RIN2: variants seen among roughly 807,000 people sequenced by gnomAD.
The protein encoded by RIN2 is Ras and Rab interactor 2, also known as RAB5 interacting protein 2.
A neutral mutation model predicts 78.0 loss-of-function variants in RIN2; 36 were observed. The ratio of observed to expected loss-of-function variants is 0.46; its 90% CI spans 0.35 to 0.61. The LOEUF (loss-of-function observed/expected upper bound fraction) is 0.61, where lower values mean the gene tolerates loss of function less well. Among genes scored for constraint, RIN2 ranks in the 20% least tolerant of loss-of-function variants. The pLI is 0.00. For synonymous variants in RIN2, 466 were observed against 466.8 expected, an observed-to-expected ratio of 1.00 and a Z score of 0.02; for missense variants, 1,087 against 1,159.7, an observed-to-expected ratio of 0.94 and a Z score of 0.91.
intron 2 of RIN2, among the ~76,000 whole-genome samples, chr20:19,870,507 C>T (rs949500080): frequency 2.0e-5 from 3 of 152,034 alleles, no homozygotes; most frequent in African/African-American, 7.2e-5. Context: ...ATTAGCCAGG[C>T]ACGATGGTGC....
intron 3 of RIN2, among the ~76,000 whole-genome samples, chr20:19,895,567 G>A (rs1164671107): frequency 2.0e-5 from 3 of 152,020 alleles, no homozygotes; most frequent in Non-Finnish European, 2.9e-5. Flanking sequence ...CTACCCTCCC[G>A]GGCCTCAAAA....
chr20:19,957,495 A>G (rs2041590533), intron 5 of RIN2, among the ~76,000 whole-genome samples: 2 of 152,124 alleles, frequency 1.3e-5, no homozygotes, highest in South Asian at 4.1e-4. Flanking sequence ...TGGGCAACAC[A>G]GTGGCACCCT....
At chr20:19,904,983 T>C (rs1003803125) in intron 3 of RIN2, among the ~76,000 whole-genome samples, 1 of 152,176 alleles carries the variant, frequency 6.6e-6, no homozygotes, top group East Asian at 1.9e-4. Flanking sequence ...AGCCCTGCCC[T>C]TCCTCCCCAT....
At chr20:19,854,737 T>C (rs903044984) in intron 2 of RIN2, among the ~76,000 whole-genome samples, 11 of 152,242 alleles carry the variant, frequency 7.2e-5, no homozygotes. Flanking sequence ...TTTTGTATCC[T>C]GAGACTTTGC....
At chr20:19,788,351 T>C (rs1040835958) in intron 1 of RIN2, among the ~76,000 whole-genome samples, 1 of 150,192 alleles carries the variant, frequency 6.7e-6, no homozygotes, top group Non-Finnish European at 1.5e-5. Context: ...TCCCAGCACT[T>C]TGGGGGGCTG....
chr20:19,801,524 T>C (rs1039530201), intron 2 of RIN2, among the ~76,000 whole-genome samples: 4 of 152,114 alleles, frequency 2.6e-5, no homozygotes, highest in Admixed American at 1.3e-4. Context: ...GGTTTCACTA[T>C]GTTAGCCAGC....
In RIN2 at chr20:20,001,643, A is replaced by G. The variant is rs1159879806; in HGVS notation, c.*707A>G. 1 of 152,580 alleles carries G rather than the reference A, an allele frequency of 6.6e-6. No individual in the cohort carries two copies. Among genetic ancestry groups the G allele is most frequent in the African/African-American group, 2.4e-5 (1 of 41,428 alleles). The allele number at this position is 152,580 out of a possible 1,614,324, so 9.5% of individuals were successfully genotyped here. A position where few individuals can be genotyped will look rare whatever the true frequency, so the allele number is the denominator to read the frequency against. The stretch of plus-strand genomic sequence containing the variant: ...ACTGCTGGATTTCTTAAAGCAACGT[A>G]TTCCTGACACTGGCCACAGAATGCC... On this transcript the variant is annotated 3_prime_UTR_variant, in exon 13 of 13. Transcript: ENST00000255006.
intron 2 of RIN2, among the ~76,000 whole-genome samples, chr20:19,839,546 A>G (rs142527984): frequency 1.3e-5 from 2 of 152,284 alleles, no homozygotes; most frequent in African/African-American, 2.4e-5. Flanking sequence ...ACCAGGGGCT[A>G]TTTACCCACT....
intron 2 of RIN2, among the ~76,000 whole-genome samples, chr20:19,888,716 G>A (rs1042460158): frequency 6.6e-6 from 1 of 152,244 alleles, no homozygotes; most frequent in African/African-American, 2.4e-5. Flanking sequence ...ACTGGGTAAG[G>A]AAGGGTTTGG....
rs373331325 is a variant in RIN2, at chr20:19,974,816, A to T, written c.791A>T (p.Gln264Leu). The T allele has an allele frequency of 1.4e-5, 23 of 1,613,900 alleles. No homozygotes were observed. The African/African-American group carries it at 2.9e-4, about 21-fold the overall frequency. The change falls in exon 9 of 13, where the codon CAG becomes CTG. Residue 264 changes from glutamine (Q) to leucine (L), a missense_variant. Physicochemically the swap from Gln to Leu is moderately radical, Grantham distance 113. Coordinates refer to ENST00000255006, the MANE Select transcript of RIN2 (RefSeq NM_018993.4). ...ACGCCTTCAGAGCTGGAGTGCAGCC[A>T]GACCAACGGGGCCCTGTGCTTTATT... ...TRTPSELECS[Q>L]TNGALCFINP...
At chr20:19,957,679 C>T (rs417965) in intron 5 of RIN2, among the ~76,000 whole-genome samples, 2 of 142,314 alleles carry the variant, frequency 1.4e-5, no homozygotes, top group Non-Finnish European at 3.1e-5. Flanking sequence ...TCTGTCCCCC[C>T]CAAAAAAAAA....
rs184553773 is a variant in RIN2, at chr20:19,975,426, A to G, written c.1401A>G (p.Glu467=). The change falls in exon 9 of 13, where the codon GAA becomes GAG. Residue 467 remains glutamate, a synonymous_variant. Coordinates refer to ENST00000255006, the MANE Select transcript of RIN2 (RefSeq NM_018993.4). The surrounding 1 kb of genome is among the most constrained non-coding windows in gnomAD (Gnocchi z 4.9). ...GCAGCCTGGAGGACTACGAGGGGGA[A>G]AGTGACCAAGAGACCATGGCGCCCC... ...TNSSLEDYEG[E]SDQETMAPPI... 6.2e-7 allele frequency: 1 copy of G among 1,614,074 alleles called. No homozygotes were observed. Among genetic ancestry groups the G allele is most frequent in the Admixed American group, 1.7e-5 (1 of 60,032 alleles).
At chr20:19,918,758 G>A (rs1251229820) in intron 3 of RIN2, among the ~76,000 whole-genome samples, 1 of 150,598 alleles carries the variant, frequency 6.6e-6, no homozygotes, top group African/African-American at 2.5e-5. Flanking sequence ...CGGAGTCTGG[G>A]CCTTAATTAA....
chr20:19,815,222 G>C (rs566912159), intron 2 of RIN2, among the ~76,000 whole-genome samples: 1 of 152,220 alleles, frequency 6.6e-6, no homozygotes, highest in East Asian at 1.9e-4. Flanking sequence ...TGTGTTCCTA[G>C]GTAATTCATT....
At chr20:19,778,175 C>T (rs933207142) in intron 1 of RIN2, among the ~76,000 whole-genome samples, 1 of 152,218 alleles carries the variant, frequency 6.6e-6, no homozygotes, top group African/African-American at 2.4e-5. Flanking sequence ...GGCTCCCTGC[C>T]AGGTGCCACA....
intron 2 of RIN2, among the ~76,000 whole-genome samples, chr20:19,861,620 A>T (rs745700589): frequency 6.7e-6 from 1 of 149,212 alleles, no homozygotes; most frequent in Non-Finnish European, 1.5e-5. Flanking sequence ...TCTGATGATC[A>T]CCCTCCATAT....
Position 19,878,779 on chromosome 20 carries a change from C to T in RIN2, c.-36-10787C>T, listed in dbSNP as rs540944237. Among the ~76,000 whole-genome samples the T allele has an allele frequency of 1.6e-4, 24 of 152,256 alleles. No individual in the cohort carries two copies. In the South Asian group the frequency reaches 4.4e-3, roughly 28 times the overall value. On this transcript the variant is annotated intron_variant, in intron 2 of 12. Transcript: ENST00000255006. Reference sequence around the variant, plus strand: ...CCATCCATGGGCCCACTCGACCCTCCGTGCTTTACTGTTTTCCATAATCTA... The same window carrying T: ...CCATCCATGGGCCCACTCGACCCTCTGTGCTTTACTGTTTTCCATAATCTA...
At chr20:19,836,045 G>T (rs1020202733) in intron 2 of RIN2, among the ~76,000 whole-genome samples, 1 of 152,092 alleles carries the variant, frequency 6.6e-6, no homozygotes, top group Non-Finnish European at 1.5e-5. Flanking sequence ...CAGATAAGTC[G>T]CCCTGTTCTG....
chr20:19,988,924 T>TGC (rs1568712859), intron 9 of RIN2, among the ~76,000 whole-genome samples: 2 of 151,700 alleles, frequency 1.3e-5, no homozygotes, highest in African/African-American at 4.8e-5. Context: ...CACACACGCG[T>TGC]GCACACACAC....
Sources: allele counts gnomAD v4.1 joint callset (sites outside exome capture counted in the v4.1 genomes callset), GRCh38; gene constraint gnomAD v4.1.1; non-coding constraint Gnocchi (gnomAD v3.1); transcripts MANE v1.5; gene names NCBI Gene and HGNC (gene_info 2026-07-23, HGNC 2026-07-21).